Variants in SLC35F4 observed in about 807,000 individuals in gnomAD.
The protein encoded by SLC35F4 is chromosome 14 open reading frame 36.
A neutral mutation model predicts 44.2 loss-of-function variants in SLC35F4; 24 were observed. That is an observed-to-expected ratio of 0.54 (90% CI 0.39 to 0.76). The LOEUF is 0.76. Among genes scored for constraint, SLC35F4 ranks in the 30% least tolerant of loss-of-function variants. SLC35F4 has a pLI of 0.00. For synonymous variants in SLC35F4, 238 were observed against 223.6 expected (o/e 1.06, Z -0.57); for missense variants, 562 against 586.1 (o/e 0.96, Z 0.42).
chr14:57,665,719 G>T (rs951769215), intron 1 of SLC35F4, among the ~76,000 whole-genome samples: 1 of 152,148 alleles, frequency 6.6e-6, no homozygotes, highest in African/African-American at 2.4e-5. Flanking sequence ...CAAAGACCTG[G>T]AATCGATCTA....
At chr14:57,851,200 A>G (rs1034131760) in intron 1 of SLC35F4, among the ~76,000 whole-genome samples, 6 of 152,226 alleles carry the variant, frequency 3.9e-5, no homozygotes, top group African/African-American at 1.4e-4. Context: ...AAATAAAACT[A>G]AAGTTCACTT....
intron 1 of SLC35F4, among the ~76,000 whole-genome samples, chr14:57,621,719 A>G (rs2140094945): frequency 6.6e-6 from 1 of 152,190 alleles, no homozygotes; most frequent in East Asian, 1.9e-4. Flanking sequence ...AAACCGTAGA[A>G]GGAAACCTAG....
chr14:57,608,972 C>T (rs1171013155), intron 1 of SLC35F4, among the ~76,000 whole-genome samples: 1 of 152,014 alleles, frequency 6.6e-6, no homozygotes, highest in African/African-American at 2.4e-5. Context: ...TATTGAGAAA[C>T]AAGTGGGAGA....
chr14:57,848,402 T>C (rs1886222269), intron 1 of SLC35F4, among the ~76,000 whole-genome samples: 1 of 152,206 alleles, frequency 6.6e-6, no homozygotes, highest in Non-Finnish European at 1.5e-5. Flanking sequence ...CTGTATACGC[T>C]GCCCACTGAG....
In SLC35F4 at chr14:57,873,220, G is replaced by C. The variant is rs867827166; in HGVS notation, n.282+108693C>G. 7.9e-5 allele frequency among the ~76,000 whole-genome samples: 12 copies of C among 152,180 alleles called. 1 individual carries two copies. The highest frequency in any genetic ancestry group is 2.9e-4 in the African/African-American group (12 of 41,502). The stretch of plus-strand genomic sequence containing the variant: ...ACCCCATAGCATTATCCCACGAAGG[G>C]TCAATTGCATTATAGTCTATCTTGC... On this transcript the variant is annotated intron_variant and non_coding_transcript_variant, in intron 1 of 1. Transcript: ENST00000556568.
intron 1 of SLC35F4, among the ~76,000 whole-genome samples, chr14:57,858,925 C>T (rs1232146919): frequency 6.8e-6 from 1 of 146,404 alleles, no homozygotes; most frequent in African/African-American, 2.6e-5. Context: ...ATAGCAAAAC[C>T]TGATCTCTAA....
At chr14:57,590,647 ATGT>A (rs1406426153) in intron 2 of SLC35F4, among the ~76,000 whole-genome samples, 13 of 152,314 alleles carry the variant, frequency 8.5e-5, no homozygotes, top group African/African-American at 2.9e-4. Context: ...TAATGAATTC[ATGT>A]ACCTTTCAGG....
chr14:57,843,735 C>A (rs1402895048), intron 1 of SLC35F4, among the ~76,000 whole-genome samples: 1 of 152,060 alleles, frequency 6.6e-6, no homozygotes, highest in African/African-American at 2.4e-5. Context: ...ATAAAATAAA[C>A]TGAAACTGTA....
intron 1 of SLC35F4, among the ~76,000 whole-genome samples, chr14:57,644,412 T>C (rs1303871330): frequency 6.6e-6 from 1 of 152,202 alleles, no homozygotes; most frequent in Admixed American, 6.5e-5. Flanking sequence ...AGCATAAATA[T>C]CTTCTTTTGA....
chr14:57,714,198 T>A (rs369697197), intron 1 of SLC35F4, among the ~76,000 whole-genome samples: 131 of 152,298 alleles, frequency 8.6e-4, no homozygotes, highest in African/African-American at 2.7e-3. Flanking sequence ...TCATTATTCT[T>A]TGACCCATTC....
chr14:57,731,936 G>A (rs2076354521), intron 1 of SLC35F4, among the ~76,000 whole-genome samples: 1 of 152,086 alleles, frequency 6.6e-6, no homozygotes, highest in South Asian at 2.1e-4. Context: ...TTATTGTGGG[G>A]GTTAATATCA....
intron 1 of SLC35F4, among the ~76,000 whole-genome samples, chr14:57,910,577 G>C (rs1019342730): frequency 2.6e-5 from 4 of 152,022 alleles, no homozygotes; most frequent in African/African-American, 9.7e-5. Context: ...CTTTGTCATA[G>C]ATTAGTTGAC....
At chr14:57,569,425 A>C (rs1184023030) in intron 6 of SLC35F4, among the ~76,000 whole-genome samples, 2 of 152,124 alleles carry the variant, frequency 1.3e-5, no homozygotes, top group Admixed American at 1.3e-4. Flanking sequence ...CTTTGAATGC[A>C]CCGTCTACTC....
At chr14:57,946,464 C>CTTTTTTTTTTTTT (rs1890029647) in intron 1 of SLC35F4, among the ~76,000 whole-genome samples, 1 of 124,848 alleles carries the variant, frequency 8.0e-6, no homozygotes, top group African/African-American at 3.4e-5. Flanking sequence ...GTTTTGTTTT[C>CTTTTTTTTTTTTT]TTTTCTTTTT....
At chr14:57,746,858 G>C (rs1594948519) in intron 1 of SLC35F4, among the ~76,000 whole-genome samples, 1 of 152,158 alleles carries the variant, frequency 6.6e-6, no homozygotes, top group Admixed American at 6.5e-5. Context: ...CAGAATGGTT[G>C]TTATAAAAGG....
chr14:57,708,126 C>T (rs1594847592), intron 1 of SLC35F4, among the ~76,000 whole-genome samples: 1 of 152,278 alleles, frequency 6.6e-6, no homozygotes, highest in East Asian at 1.9e-4. Flanking sequence ...ATTGTAAAAC[C>T]TAAGATCAGT....
chr14:57,827,222 G>A (rs892575864), intron 1 of SLC35F4, among the ~76,000 whole-genome samples: 1 of 152,174 alleles, frequency 6.6e-6, no homozygotes, highest in African/African-American at 2.4e-5. Flanking sequence ...CATGGATGGA[G>A]CTGGAAGCCA....
chr14:57,982,050 ACT>A (rs1205300362), exon 1 of SLC35F4: 2 of 151,848 alleles, frequency 1.3e-5, no homozygotes, highest in Non-Finnish European at 2.9e-5. Context: ...TTCCAAGGAG[ACT>A]CTGACATCCC....
intron 1 of SLC35F4, among the ~76,000 whole-genome samples, chr14:57,910,648 GT>G (rs1167840557): frequency 2.6e-5 from 4 of 152,008 alleles, no homozygotes; most frequent in Admixed American, 2.6e-4. Context: ...TATTTGTCTA[GT>G]CTTTTGCCAA....
Sources: gnomAD v4.1 joint callset for allele counts (sites outside exome capture counted in the v4.1 genomes callset) on GRCh38, gnomAD v4.1.1 for gene constraint, MANE v1.5 for transcripts, NCBI Gene and HGNC (gene_info 2026-07-23, HGNC 2026-07-21) for gene names.